COLEC10: variants seen among roughly 807,000 people sequenced by gnomAD.
COLEC10 encodes collectin subfamily member 10.
Under a neutral mutation model 28.4 loss-of-function variants are expected in COLEC10, and 22 were observed. The ratio of observed to expected loss-of-function variants is 0.78; its 90% CI spans 0.55 to 1.11. The LOEUF (loss-of-function observed/expected upper bound fraction) is 1.11. Ranked by LOEUF, COLEC10 falls within the 50% of genes least tolerant of loss-of-function variation. The probability of loss-of-function intolerance (pLI) is 0.00; values close to 1 mark genes in which losing one functional copy is unlikely to be tolerated. For synonymous variants in COLEC10, 125 were observed against 116.1 expected (o/e 1.08, Z -0.49); for missense variants, 361 against 344.1 (o/e 1.05, Z -0.39).
chr8:119,089,555 A>C (rs1815546868), intron 1 of COLEC10, 125 bp from the exon 2 acceptor site: 1 of 689,942 alleles, frequency 1.4e-6, no homozygotes, highest in African/African-American at 1.8e-5. Context: ...CCATACTCAC[A>C]GCTGGATTGT....
chr8:118,969,060 G>A, the COLEC10 span, among the ~76,000 whole-genome samples: 7 of 152,042 alleles, frequency 4.6e-5, no homozygotes, highest in South Asian at 2.1e-4. Context: ...TGGCAGGCTC[G>A]ATTCAATTAC....
intron 2 of COLEC10, among the ~76,000 whole-genome samples, chr8:119,040,994 G>C (rs1587013681): frequency 6.6e-6 from 1 of 152,338 alleles, no homozygotes; most frequent in Non-Finnish European, 1.5e-5. Context: ...AAGGCACATG[G>C]AGAATAATTA....
intron 1 of COLEC10, among the ~76,000 whole-genome samples, chr8:119,004,827 C>T (rs978047741): frequency 2.0e-5 from 3 of 151,864 alleles, no homozygotes; most frequent in Non-Finnish European, 2.9e-5. Context: ...AGGCCATTGA[C>T]TCTTCCTCCA....
At chr8:119,104,928 C>T (rs913105248) in intron 5 of COLEC10, among the ~76,000 whole-genome samples, 4 of 151,974 alleles carry the variant, frequency 2.6e-5, no homozygotes, top group Admixed American at 2.0e-4. Context: ...ATGTAGAGGC[C>T]GCTGACACCC....
chr8:119,031,204 A>C (rs1010658936), intron 2 of COLEC10, among the ~76,000 whole-genome samples: 5 of 152,310 alleles, frequency 3.3e-5, no homozygotes, highest in African/African-American at 1.2e-4. Context: ...GTGGCAGTGA[A>C]TGATTCTCAG....
At chr8:119,077,707 T>A (rs1360472108) in intron 1 of COLEC10, among the ~76,000 whole-genome samples, 1 of 152,218 alleles carries the variant, frequency 6.6e-6, no homozygotes, top group Non-Finnish European at 1.5e-5. Flanking sequence ...AGTGTTATCC[T>A]GCCCCCTTTT....
At chr8:118,970,733 T>G in the COLEC10 span, among the ~76,000 whole-genome samples, 1 of 151,966 alleles carries the variant, frequency 6.6e-6, no homozygotes, top group Admixed American at 6.6e-5. Flanking sequence ...TATCCTTTCA[T>G]ACACTTCATA....
chr8:119,077,649 ACT>A (rs748225027), intron 1 of COLEC10, among the ~76,000 whole-genome samples: 3 of 152,150 alleles, frequency 2.0e-5, no homozygotes, highest in Non-Finnish European at 4.4e-5. Flanking sequence ...GTTAGTAAAG[ACT>A]CTGAGTCTTA....
At chr8:119,004,535 T>G (rs1202314862) in intron 1 of COLEC10, among the ~76,000 whole-genome samples, 3 of 151,138 alleles carry the variant, frequency 2.0e-5, no homozygotes, top group Non-Finnish European at 4.4e-5. Context: ...ATATTCTCAA[T>G]TCTTGATTGA....
At chr8:118,971,981 G>A in the COLEC10 span, among the ~76,000 whole-genome samples, 1 of 151,898 alleles carries the variant, frequency 6.6e-6, no homozygotes, top group African/African-American at 2.4e-5. Context: ...AGATTAATTC[G>A]TACTTTACTG....
intron 1 of COLEC10, among the ~76,000 whole-genome samples, chr8:119,069,289 C>A (rs950848874): frequency 6.6e-6 from 1 of 151,916 alleles, no homozygotes; most frequent in Non-Finnish European, 1.5e-5. Context: ...GAAACCAAGA[C>A]ATGATACCTT....
intron 1 of COLEC10, among the ~76,000 whole-genome samples, chr8:118,997,266 A>G (rs941816629): frequency 1.3e-5 from 2 of 152,040 alleles, no homozygotes; most frequent in Non-Finnish European, 2.9e-5. Context: ...TCATATTTTC[A>G]CTCTGTTGAT....
At chr8:118,968,160 A>G in the COLEC10 span, among the ~76,000 whole-genome samples, 1 of 151,586 alleles carries the variant, frequency 6.6e-6, no homozygotes, top group Non-Finnish European at 1.5e-5. Flanking sequence ...GTAGGACACA[A>G]ATTTTTTTTC....
At chr8:119,009,254 C>G (rs1053243807) in intron 1 of COLEC10, among the ~76,000 whole-genome samples, 1 of 150,890 alleles carries the variant, frequency 6.6e-6, no homozygotes, top group Non-Finnish European at 1.5e-5. Flanking sequence ...GTGTTTCCAC[C>G]AACACTTATG....
At chr8:119,070,707 T>C (rs1815103247) in intron 1 of COLEC10, among the ~76,000 whole-genome samples, 1 of 151,546 alleles carries the variant, frequency 6.6e-6, no homozygotes. Context: ...ATAACAGCGA[T>C]AAAATATGTA....
At chr8:119,071,958 C>T (rs150246625) in intron 1 of COLEC10, among the ~76,000 whole-genome samples, 54 of 152,324 alleles carry the variant, frequency 3.5e-4, no homozygotes, top group Middle Eastern at 3.4e-3. Context: ...GGGCCATGGC[C>T]ATTGTGCCAC....
At chr8:119,065,685 C>T (rs932446202), upstream of COLEC10, among the ~76,000 whole-genome samples, 2 of 151,584 alleles carry the variant, frequency 1.3e-5, no homozygotes, top group African/African-American at 4.9e-5. Context: ...GGTGAAACCC[C>T]AACCATACTA....
intron 1 of COLEC10, among the ~76,000 whole-genome samples, chr8:118,998,516 C>T (rs1017184769): frequency 6.6e-6 from 1 of 151,834 alleles, no homozygotes; most frequent in African/African-American, 2.4e-5. Context: ...GATTTTTTAC[C>T]ATCTTGTGCA....
chr8:119,063,732 A>AC (rs376112430), upstream of COLEC10, among the ~76,000 whole-genome samples: 9 of 78,644 alleles, frequency 1.1e-4, no homozygotes, highest in East Asian at 4.9e-3. Context: ...TTCAATTCAC[A>AC]AAAAAAAAAA....
Sources: allele counts gnomAD v4.1 joint callset (sites outside exome capture counted in the v4.1 genomes callset), GRCh38; gene constraint gnomAD v4.1.1; transcripts MANE v1.5; gene names NCBI Gene and HGNC (gene_info 2026-07-23, HGNC 2026-07-21).